The following HAUS1 variants were observed in gnomAD, a reference collection of about 807,000 sequenced individuals.
HAUS1 encodes the protein HAUS augmin-like complex subunit 1.
HAUS1 carries 25 observed loss-of-function variants against 38.6 expected under a neutral mutation model. The observed-to-expected ratio is 0.65, with a 90% CI of 0.47 to 0.91. HAUS1 has a LOEUF of 0.91. Among genes scored for constraint, HAUS1 ranks in the 40% least tolerant of loss-of-function variants. The pLI, the probability that HAUS1 is intolerant of heterozygous loss-of-function variation, is 0.00. For missense variants in HAUS1, 325 were observed against 328.4 expected, an observed-to-expected ratio of 0.99 and a Z score of 0.08; for synonymous variants, 109 against 112.9, an observed-to-expected ratio of 0.97 and a Z score of 0.22.
Position 46,128,055 on chromosome 18 carries a change from G to T in HAUS1, c.787-20G>T. 1 of 1,479,102 alleles carries T rather than the reference G, an allele frequency of 6.8e-7. No homozygotes were observed. The highest frequency in any genetic ancestry group is 9.2e-7 in the Non-Finnish European group (1 of 1,087,832). The allele number at this position is 1,479,102 out of a possible 1,614,324, so 91.6% of individuals were successfully genotyped here. ...CATCTGTTTTATGTCCTTATCTATG[G>T]TATGTCTTTCTTCCTGTAGGATAGC... On this transcript the variant is annotated intron_variant, in intron 8 of 8. Coordinates refer to ENST00000282058, the MANE Select transcript of HAUS1 (RefSeq NM_138443.4).
At chr18:46,110,276 C>T (rs557857783) in intron 2 of HAUS1, among the ~76,000 whole-genome samples, 1 of 149,258 alleles carries the variant, frequency 6.7e-6, no homozygotes, top group African/African-American at 2.5e-5. Context: ...CTGCCTCAGC[C>T]TCCCAAGTAG....
At chr18:46,125,416 G>A (rs776367176) in intron 7 of HAUS1, among the ~76,000 whole-genome samples, 9 of 152,004 alleles carry the variant, frequency 5.9e-5, no homozygotes, top group Non-Finnish European at 1.0e-4. Flanking sequence ...GGGCGTGGTG[G>A]TGGGCGCTTA....
chr18:46,117,776 C>G (rs1175807389), intron 2 of HAUS1, among the ~76,000 whole-genome samples: 1 of 152,060 alleles, frequency 6.6e-6, no homozygotes, highest in East Asian at 1.9e-4. Flanking sequence ...AACCCCATCT[C>G]TACTAAAAAT....
At chr18:46,111,733 C>T (rs775320965) in intron 2 of HAUS1, among the ~76,000 whole-genome samples, 1 of 152,014 alleles carries the variant, frequency 6.6e-6, no homozygotes, top group African/African-American at 2.4e-5. Flanking sequence ...GCTGGGATTA[C>T]AGGCATTAAC....
At chr18:46,110,385 C>T (rs1379814960) in intron 2 of HAUS1, among the ~76,000 whole-genome samples, 1 of 106,966 alleles carries the variant, frequency 9.3e-6, no homozygotes, top group African/African-American at 3.5e-5. Flanking sequence ...ACTCTTGTTG[C>T]CCAGGCTGGA....
intron 5 of HAUS1, 121 bp downstream of exon 5, chr18:46,122,711 T>A (rs1202853349): frequency 4.7e-6 from 5 of 1,068,748 alleles, no homozygotes; most frequent in East Asian, 5.1e-5. Flanking sequence ...AGTTGGTAAG[T>A]TGCCCAAGAT....
intron 2 of HAUS1, among the ~76,000 whole-genome samples, chr18:46,112,106 C>T (rs1258571223): frequency 2.7e-5 from 4 of 149,970 alleles, no homozygotes; most frequent in African/African-American, 4.9e-5. Flanking sequence ...AGGCTGGTCT[C>T]GATCTCCTGA....
intron 4 of HAUS1, among the ~76,000 whole-genome samples, chr18:46,122,061 C>T (rs755361375): frequency 1.3e-5 from 2 of 152,098 alleles, no homozygotes; most frequent in Non-Finnish European, 2.9e-5. Flanking sequence ...AGGCTGGTCT[C>T]GAACTCCTGA....
At chr18:46,122,860 G>A (rs1314085575) in intron 5 of HAUS1, among the ~76,000 whole-genome samples, 5 of 152,164 alleles carry the variant, frequency 3.3e-5, no homozygotes, top group Non-Finnish European at 7.3e-5. Context: ...CAAATGCTTA[G>A]ATACATGTAC....
chr18:46,111,885 C>CTTTTTTTTTT (rs370593835), intron 2 of HAUS1, among the ~76,000 whole-genome samples: 22 of 134,406 alleles, frequency 1.6e-4, no homozygotes, highest in Non-Finnish European at 2.2e-4. Context: ...CTTTTCTTTT[C>CTTTTTTTTTT]TTTTTTTTTT....
chr18:46,125,686 T>A (rs1912084226), intron 7 of HAUS1, 58 bp from the exon 8 acceptor site: 1 of 1,191,586 alleles, frequency 8.4e-7, no homozygotes, highest in Non-Finnish European at 1.2e-6. Context: ...GCATTATTTT[T>A]CTCCTTGGGT....
In HAUS1 at chr18:46,123,791, G is replaced by A. The variant is rs1912018038; in HGVS notation, c.666+427G>A. ...GTTTTGGTGGGAAGAGAGAAATAGAGGGTTTTGTTTTGTTTTATTATTCTT... is the reference window on the plus strand; with the variant it reads ...GTTTTGGTGGGAAGAGAGAAATAGAAGGTTTTGTTTTGTTTTATTATTCTT... On this transcript the variant is annotated intron_variant, in intron 6 of 8. Coordinates refer to ENST00000282058, the MANE Select transcript of HAUS1 (RefSeq NM_138443.4). Among the ~76,000 whole-genome samples, 3 of 152,134 alleles carry A rather than the reference G, an allele frequency of 2.0e-5. No individual in the cohort carries two copies. The South Asian group carries it at 6.2e-4, about 31-fold the overall frequency.
intron 5 of HAUS1, among the ~76,000 whole-genome samples, chr18:46,122,953 C>CTG (rs1911986530): frequency 6.6e-6 from 1 of 152,172 alleles, no homozygotes; most frequent in Non-Finnish European, 1.5e-5. Context: ...TGGCTCACGC[C>CTG]TGTAATCCAG....
intron 2 of HAUS1, among the ~76,000 whole-genome samples, chr18:46,111,509 A>G (rs761812116): frequency 6.6e-6 from 1 of 152,014 alleles, no homozygotes; most frequent in East Asian, 1.9e-4. Context: ...TTTAGTAGAG[A>G]CGGGGTTTCG....
At chr18:46,113,001 TATATGGAATATA>T in intron 2 of HAUS1, among the ~76,000 whole-genome samples, 1 of 124,396 alleles carries the variant, frequency 8.0e-6, no homozygotes, top group African/African-American at 3.1e-5. Flanking sequence ...ATATTCCATA[TATATGGAATATA>T]TATATTCCAT....
chr18:46,117,005 C>T (rs1911813526), intron 2 of HAUS1, among the ~76,000 whole-genome samples: 1 of 152,176 alleles, frequency 6.6e-6, no homozygotes, highest in Admixed American at 6.6e-5. Context: ...ACTTCACAGT[C>T]ACTAGGATGG....
At chr18:46,120,488 C>A (rs1911906428) in intron 4 of HAUS1, among the ~76,000 whole-genome samples, 1 of 152,152 alleles carries the variant, frequency 6.6e-6, no homozygotes, top group African/African-American at 2.4e-5. Flanking sequence ...CCCGCCTCGG[C>A]CTCCCAAAGT....
rs1390373421 is a variant in HAUS1 at position 46,128,297 on chromosome 18, A to G, written c.*172A>G. ...ACTGTGTGTTGCATTTTTGTGCCCA[A>G]ATACATAGTTTTCATATTAAAAAGC... On this transcript the variant is annotated 3_prime_UTR_variant, in exon 9 of 9. Coordinates refer to ENST00000282058, the MANE Select transcript of HAUS1 (RefSeq NM_138443.4). The G allele has an allele frequency of 8.7e-6, 4 of 460,444 alleles. No homozygotes were observed. The highest frequency in any genetic ancestry group is 1.6e-5 in the Non-Finnish European group (4 of 253,984). 28.5% of individuals were successfully genotyped at this position (460,444 alleles called of 1,614,324 possible). A position where few individuals can be genotyped will look rare whatever the true frequency, so the allele number is the denominator to read the frequency against.
Position 46,111,523 on chromosome 18 carries a change from T to C in HAUS1, c.205+6155T>C, listed in dbSNP as rs920082052. Among the ~76,000 whole-genome samples the C allele has an allele frequency of 4.6e-5, 7 of 152,110 alleles. No homozygotes were observed. In the East Asian group the frequency reaches 1.2e-3, roughly 25 times the overall value. On this transcript the variant is annotated intron_variant, in intron 2 of 8. Transcript: ENST00000282058. ...TTTTAGTAGAGACGGGGTTTCGCCATGTTGGCCAGACTGGTTTTGAACTCC... is the reference window on the plus strand; with the variant it reads ...TTTTAGTAGAGACGGGGTTTCGCCACGTTGGCCAGACTGGTTTTGAACTCC...
Sources: gnomAD v4.1 joint callset for allele counts (sites outside exome capture counted in the v4.1 genomes callset) on GRCh38, gnomAD v4.1.1 for gene constraint, MANE v1.5 for transcripts, NCBI Gene and HGNC (gene_info 2026-07-23, HGNC 2026-07-21) for gene names.